EFNA5: variants seen among roughly 807,000 people sequenced by gnomAD.
EFNA5 encodes ephrin-A5.
In EFNA5, 5 loss-of-function variants were observed where a neutral mutation model predicts 22.9. The observed-to-expected ratio is 0.22, with a 90% confidence interval of 0.11 to 0.46. The LOEUF is 0.46. Ranked by LOEUF, EFNA5 falls within the 20% of genes least tolerant of loss-of-function variation. The probability of loss-of-function intolerance (pLI) is 0.99; values close to 1 mark genes in which losing one functional copy is unlikely to be tolerated. For synonymous variants in EFNA5, 113 were observed against 112.2 expected (o/e 1.01, Z -0.04); for missense variants, 237 against 293.3 (o/e 0.81, Z 1.40).
intron 2 of EFNA5, among the ~76,000 whole-genome samples, chr5:107,404,687 G>T (rs112815502): frequency 6.6e-6 from 1 of 152,112 alleles, no homozygotes. Flanking sequence ...AAGTCTTCCT[G>T]ATGCCAGAAC....
chr5:107,432,101 G>A (rs1232680212), intron 1 of EFNA5, among the ~76,000 whole-genome samples: 1 of 152,186 alleles, frequency 6.6e-6, no homozygotes, highest in Admixed American at 6.5e-5. Context: ...AGGTGTCCCA[G>A]CCCTACTGTC....
At chr5:107,602,131 C>T (rs931562780) in intron 1 of EFNA5, among the ~76,000 whole-genome samples, 2 of 152,148 alleles carry the variant, frequency 1.3e-5, no homozygotes, top group East Asian at 1.9e-4. Context: ...AAAATGTGCA[C>T]GTTATTAATG....
intron 1 of EFNA5, among the ~76,000 whole-genome samples, chr5:107,553,603 G>A (rs1270157427): frequency 6.6e-6 from 1 of 152,160 alleles, no homozygotes; most frequent in Admixed American, 6.5e-5. Context: ...GACTAACATA[G>A]CCTGCTTTCT....
chr5:107,528,815 A>G (rs919098046), intron 1 of EFNA5, among the ~76,000 whole-genome samples: 7 of 152,224 alleles, frequency 4.6e-5, no homozygotes, highest in African/African-American at 1.7e-4. Flanking sequence ...TAAGCAATAA[A>G]TTGTGACTGA....
chr5:107,593,024 G>A (rs1355586320), intron 1 of EFNA5, among the ~76,000 whole-genome samples: 1 of 152,186 alleles, frequency 6.6e-6, no homozygotes, highest in Non-Finnish European at 1.5e-5. Context: ...TAAAAGAGAT[G>A]TGAGAAACTA....
chr5:107,523,022 T>C (rs1747627094), intron 1 of EFNA5, among the ~76,000 whole-genome samples: 1 of 152,200 alleles, frequency 6.6e-6, no homozygotes, highest in Non-Finnish European at 1.5e-5. Context: ...ACAAGACAGA[T>C]AAAGCAAAGA....
chr5:107,584,895 G>A (rs1749144590), intron 1 of EFNA5, among the ~76,000 whole-genome samples: 1 of 152,210 alleles, frequency 6.6e-6, no homozygotes, highest in Non-Finnish European at 1.5e-5. Flanking sequence ...GGCAAGGGCA[G>A]AAGTGGCGGT....
chr5:107,533,710 C>T (rs1747870602), intron 1 of EFNA5, among the ~76,000 whole-genome samples: 1 of 152,142 alleles, frequency 6.6e-6, no homozygotes, highest in Non-Finnish European at 1.5e-5. Flanking sequence ...TATGTAGTTC[C>T]CATATACGGA....
intron 1 of EFNA5, among the ~76,000 whole-genome samples, chr5:107,660,144 T>G (rs1408718306): frequency 6.0e-5 from 9 of 151,024 alleles, no homozygotes; most frequent in Non-Finnish European, 8.9e-5. Context: ...ACCCTTTGCT[T>G]TTGATGCTGT....
At chr5:107,400,716 T>C (rs252810) in intron 2 of EFNA5, among the ~76,000 whole-genome samples, 118,051 of 152,196 alleles carry the variant, frequency 0.78, 46,141 homozygotes, top group Non-Finnish European at 0.8. Context: ...ATATTCAAGG[T>C]TATATATTAC....
At chr5:107,639,388 C>T (rs2112542798) in intron 1 of EFNA5, among the ~76,000 whole-genome samples, 1 of 152,304 alleles carries the variant, frequency 6.6e-6, no homozygotes, top group South Asian at 2.1e-4. Flanking sequence ...TTCATAATTC[C>T]AATTCTGTCA....
chr5:107,608,039 C>T (rs1040862544), intron 1 of EFNA5, among the ~76,000 whole-genome samples: 1 of 152,160 alleles, frequency 6.6e-6, no homozygotes, highest in Non-Finnish European at 1.5e-5. Flanking sequence ...AGGAAAACAA[C>T]GTTCAGCAAC....
intron 1 of EFNA5, among the ~76,000 whole-genome samples, chr5:107,546,416 T>C (rs1748155172): frequency 1.3e-5 from 2 of 152,182 alleles, no homozygotes; most frequent in Non-Finnish European, 2.9e-5. Flanking sequence ...GACAAATCAC[T>C]CATTCTCACC....
Position 107,521,802 on chromosome 5 carries a change from A to G in EFNA5, c.126-94293T>C, listed in dbSNP as rs1447194315. 3.3e-5 allele frequency among the ~76,000 whole-genome samples: 5 copies of G among 152,194 alleles called. No homozygotes were observed. The East Asian group carries it at 9.7e-4, about 29-fold the overall frequency. On this transcript the variant is annotated intron_variant, in intron 1 of 4. Coordinates refer to ENST00000333274, the MANE Select transcript of EFNA5 (RefSeq NM_001962.3). ...GTGCATAAATTGTAAGTTGAAGACCATCTATATATTATTGTATGTCTTTTT... is the reference window on the plus strand; with the variant it reads ...GTGCATAAATTGTAAGTTGAAGACCGTCTATATATTATTGTATGTCTTTTT...
At chr5:107,399,331 AAAGG>A (rs1218097544) in intron 2 of EFNA5, among the ~76,000 whole-genome samples, 2 of 146,166 alleles carry the variant, frequency 1.4e-5, no homozygotes, top group African/African-American at 5.2e-5. Flanking sequence ...AAAGGAAAGG[AAAGG>A]AAAGGAAAGG....
intron 1 of EFNA5, among the ~76,000 whole-genome samples, chr5:107,482,035 C>A (rs1007775951): frequency 3.3e-5 from 5 of 151,560 alleles, no homozygotes; most frequent in African/African-American, 4.9e-5. Flanking sequence ...GCTGGCTGGG[C>A]GTAGTGGCTC....
chr5:107,603,136 T>C (rs937434926), intron 1 of EFNA5, among the ~76,000 whole-genome samples: 3 of 152,216 alleles, frequency 2.0e-5, no homozygotes, highest in Non-Finnish European at 2.9e-5. Context: ...AGAGCAGTTA[T>C]AACTGTTTCA....
intron 1 of EFNA5, among the ~76,000 whole-genome samples, chr5:107,464,383 C>T (rs891884982): frequency 4.6e-5 from 7 of 152,156 alleles, no homozygotes; most frequent in Non-Finnish European, 7.3e-5. Flanking sequence ...AAATGAAAGA[C>T]AGCAAGATTG....
chr5:107,637,245 T>C (rs1350054728), intron 1 of EFNA5, among the ~76,000 whole-genome samples: 1 of 151,978 alleles, frequency 6.6e-6, no homozygotes, highest in Non-Finnish European at 1.5e-5. Flanking sequence ...AAAACAAGAG[T>C]ACAGCCATAT....
Sources: gnomAD v4.1 joint callset for allele counts (sites outside exome capture counted in the v4.1 genomes callset) on GRCh38, gnomAD v4.1.1 for gene constraint, MANE v1.5 for transcripts, NCBI Gene and HGNC (gene_info 2026-07-23, HGNC 2026-07-21) for gene names.